Variants in FSD2 observed in about 807,000 individuals in gnomAD.
FSD2 encodes fibronectin type III and SPRY domain containing 2.
FSD2 carries 71 observed loss-of-function variants against 80.4 expected under a neutral mutation model. The ratio of observed to expected loss-of-function variants is 0.88; its 90% CI spans 0.73 to 1.08. The LOEUF (loss-of-function observed/expected upper bound fraction) is 1.08, where lower values mean the gene tolerates loss of function less well. Ranked by LOEUF, FSD2 falls within the 50% of genes least tolerant of loss-of-function variation. FSD2 has a pLI of 0.00. For synonymous variants in FSD2, 361 were observed against 329.5 expected (o/e 1.10, Z -1.03); for missense variants, 923 against 913.8 (o/e 1.01, Z -0.13).
rs1333166512 is a variant in FSD2, at chr15:82,787,327, A to G, written c.64T>C (p.Tyr22His). ...TCAGAGTCATACAGGTCCATGTGGT[A>G]AAAGTGGAAATCCTTGGGAGTAGAC... ...DRSTPKDFHF[Y>H]HMDLYDSEDR... Residue 22 changes from tyrosine to histidine, a missense_variant, in exon 2 of 13, where the codon TAC becomes CAC. Physicochemically the swap from Tyr to His is moderately conservative, Grantham distance 83. Transcript: ENST00000334574. 1.2e-6 allele frequency: 2 copies of G among 1,613,788 alleles called. No individual in the cohort carries two copies. Among genetic ancestry groups the G allele is most frequent in the African/African-American group, 2.7e-5 (2 of 74,892 alleles).
intron 6 of FSD2, among the ~76,000 whole-genome samples, chr15:82,773,439 A>C (rs115177627): frequency 0.019 from 2,844 of 152,286 alleles, 92 homozygotes; most frequent in African/African-American, 0.065. Flanking sequence ...CAGCGTAAGA[A>C]AATGTATGGT....
At chr15:82,795,609 C>A (rs554561733) in intron 1 of FSD2, among the ~76,000 whole-genome samples, 9 of 152,194 alleles carry the variant, frequency 5.9e-5, no homozygotes, top group African/African-American at 2.2e-4. Flanking sequence ...GTGGGCAGAT[C>A]ATTTGAGCTC....
chr15:82,755,976 C>G lies in FSD2; in HGVS notation c.*3372G>C. 1.9e-6 allele frequency: 1 copy of G among 516,946 alleles called. No individual in the cohort carries two copies. Among genetic ancestry groups the G allele is most frequent in the African/African-American group, 1.9e-5 (1 of 52,046 alleles). 32.0% of individuals were successfully genotyped at this position (516,946 alleles called of 1,614,324 possible). A position where few individuals can be genotyped will look rare whatever the true frequency, so the allele number is the denominator to read the frequency against. On this transcript the variant is annotated 3_prime_UTR_variant, in exon 13 of 13. Transcript: ENST00000334574. ...ACTAAGAAAATAGAGTCCTTGAAAT[C>G]AAGCTGACTCTGCTTTTAGCCTCCT...
At chr15:82,766,738 C>CAAA (rs560358115) in intron 9 of FSD2, among the ~76,000 whole-genome samples, 5 of 96,170 alleles carry the variant, frequency 5.2e-5, no homozygotes, top group Admixed American at 3.0e-4. Flanking sequence ...GAGACTGTCT[C>CAAA]AAAAAAAAAA....
At chr15:82,795,091 A>AT (rs1480204813) in intron 1 of FSD2, among the ~76,000 whole-genome samples, 1 of 151,374 alleles carries the variant, frequency 6.6e-6, no homozygotes, top group Non-Finnish European at 1.5e-5. Flanking sequence ...TTTTAAATCC[A>AT]TTTTTTCGGA....
intron 9 of FSD2, among the ~76,000 whole-genome samples, chr15:82,767,099 A>G (rs1032751017): frequency 6.6e-6 from 1 of 152,214 alleles, no homozygotes; most frequent in African/African-American, 2.4e-5. Context: ...CTTAGGTTCC[A>G]GGCACTGTAT....
intron 1 of FSD2, among the ~76,000 whole-genome samples, chr15:82,801,900 C>A (rs1180192815): frequency 6.6e-6 from 1 of 152,132 alleles, no homozygotes; most frequent in Non-Finnish European, 1.5e-5. Context: ...AGGATCAGGT[C>A]CACCCCTAGA....
At position 82,786,794 on chromosome 15, in the gene FSD2, C is replaced by T. The variant is rs2050009025; in HGVS notation, c.597G>A (p.Glu199=). 5.6e-6 allele frequency: 9 copies of T among 1,613,924 alleles called. No homozygotes were observed. The East Asian group carries it at 1.3e-4, about 24-fold the overall frequency. The part of the protein sequence containing the change: ...AFQKVFDEHK[E]HEVIPLNEAL... ...CTTCATTGAGTGGGATCACTTCATGCTCCTTATGTTCATCAAAAACCTTCT... is the reference window on the plus strand; with the variant it reads ...CTTCATTGAGTGGGATCACTTCATGTTCCTTATGTTCATCAAAAACCTTCT... The change falls in exon 2 of 13, where the codon GAG becomes GAA. Residue 199 remains glutamate (E), a synonymous_variant. Transcript: ENST00000334574.
At chr15:82,774,111 G>C (rs1486421319) in intron 6 of FSD2, among the ~76,000 whole-genome samples, 1 of 152,098 alleles carries the variant, frequency 6.6e-6, no homozygotes, top group Non-Finnish European at 1.5e-5. Flanking sequence ...CTCTTACTCT[G>C]TCACCCAGGC....
chr15:82,762,045 C>A, intron 12 of FSD2, 57 bp downstream of exon 12: 1 of 1,385,758 alleles, frequency 7.2e-7, no homozygotes, highest in South Asian at 1.5e-5. Context: ...GTGAAAAGGT[C>A]TTGCTGTAAT....
chr15:82,764,364 G>A (rs1321673958), intron 11 of FSD2, among the ~76,000 whole-genome samples: 1 of 152,096 alleles, frequency 6.6e-6, no homozygotes, highest in African/African-American at 2.4e-5. Context: ...GGAACCTCTA[G>A]AGGATATTTA....
intron 1 of FSD2, among the ~76,000 whole-genome samples, chr15:82,788,031 G>A (rs1238625033): frequency 6.6e-6 from 1 of 152,074 alleles, no homozygotes; most frequent in Non-Finnish European, 1.5e-5. Context: ...CTCCCAAAGT[G>A]CTGGAATTAC....
Position 82,765,315 on chromosome 15 carries a change from A to G in FSD2, c.1688-17T>C. ...AGTAGCTTCCTGTGGGAGGAGGAAC[A>G]CACAGAAGACCCGCAGCCAATCACT... is the stretch of plus-strand genomic sequence containing the variant. On this transcript the variant is annotated splice_polypyrimidine_tract_variant and intron_variant, in intron 10 of 12. Coordinates refer to ENST00000334574, the MANE Select transcript of FSD2 (RefSeq NM_001007122.4). 1 of 1,612,840 alleles carries G rather than the reference A, an allele frequency of 6.2e-7. No individual in the cohort carries two copies. Among genetic ancestry groups the G allele is most frequent in the Non-Finnish European group, 8.5e-7 (1 of 1,179,474 alleles).
At chr15:82,782,104 T>TAATAATAATAATAATA (rs749972634) in intron 4 of FSD2, among the ~76,000 whole-genome samples, 1 of 118,906 alleles carries the variant, frequency 8.4e-6, no homozygotes, top group Admixed American at 8.8e-5. Flanking sequence ...ATAATAATAA[T>TAATAATAATAATAATA]AAAACTCTTG....
chr15:82,782,794 C>A lies in FSD2; in HGVS notation c.966+1G>T, dbSNP rs758025992. The stretch of plus-strand genomic sequence containing the variant: ...TTATTTCATTTTGTTTCATTACTGA[C>A]CTTTATGAAATCCACCTTCTCCTCG... On this transcript the variant is annotated splice_donor_variant, in intron 4 of 12. Transcript: ENST00000334574. LOFTEE classifies it high-confidence loss of function. The A allele has an allele frequency of 3.1e-6, 5 of 1,591,730 alleles. No homozygotes were observed. In the East Asian group the frequency reaches 1.1e-4, roughly 36 times the overall value.
chr15:82,794,945 C>T (rs1184386486), intron 1 of FSD2, among the ~76,000 whole-genome samples: 1 of 152,054 alleles, frequency 6.6e-6, no homozygotes, highest in Non-Finnish European at 1.5e-5. Flanking sequence ...ATGATGGTCT[C>T]GATCTCCTGA....
chr15:82,793,183 C>T (rs1260436847), intron 1 of FSD2, among the ~76,000 whole-genome samples: 7 of 152,076 alleles, frequency 4.6e-5, no homozygotes, highest in Non-Finnish European at 7.3e-5. Context: ...GCAACCTCCA[C>T]CTCCCAGGTC....
intron 3 of FSD2, 21 bp downstream of exon 3, chr15:82,786,490 G>C (rs968062184): frequency 6.4e-7 from 1 of 1,560,258 alleles, no homozygotes; most frequent in Non-Finnish European, 8.8e-7. Flanking sequence ...AGTCTGATGA[G>C]GTCTTCAAGT....
intron 11 of FSD2, 122 bp downstream of exon 11, chr15:82,765,044 C>A: frequency 8.2e-7 from 1 of 1,217,196 alleles, no homozygotes; most frequent in South Asian, 1.7e-5. Flanking sequence ...CCTCCCTCCT[C>A]ACTCATTTGT....
Sources: allele counts gnomAD v4.1 joint callset (sites outside exome capture counted in the v4.1 genomes callset), GRCh38; gene constraint gnomAD v4.1.1; transcripts MANE v1.5; gene names NCBI Gene and HGNC (gene_info 2026-07-23, HGNC 2026-07-21).